The following DAPK1 variants were observed in gnomAD, a reference collection of about 807,000 sequenced individuals.
DAPK1 encodes death associated protein kinase 1.
A neutral mutation model predicts 144.9 loss-of-function variants in DAPK1; 56 were observed. That is an observed-to-expected ratio of 0.39 (90% CI 0.31 to 0.48). The LOEUF (loss-of-function observed/expected upper bound fraction) is 0.48, where lower values mean the gene tolerates loss of function less well. Ranked by LOEUF, DAPK1 falls within the 20% of genes least tolerant of loss-of-function variation. DAPK1 has a pLI of 0.95. For missense variants in DAPK1, 1,454 were observed against 1,875.4 expected, an observed-to-expected ratio of 0.78 and a Z score of 4.15; for synonymous variants, 690 against 749.0, an observed-to-expected ratio of 0.92 and a Z score of 1.29.
At chr9:87,663,110 G>A (rs984567303) in intron 18 of DAPK1, among the ~76,000 whole-genome samples, 6 of 151,772 alleles carry the variant, frequency 4.0e-5, no homozygotes, top group Admixed American at 1.3e-4. Flanking sequence ...CCTCAGCCAG[G>A]GGGACCTGAA....
intron 18 of DAPK1, among the ~76,000 whole-genome samples, chr9:87,666,199 G>A (rs1831046993): frequency 6.6e-6 from 1 of 152,106 alleles, no homozygotes; most frequent in Non-Finnish European, 1.5e-5. Context: ...TCTCTCACCT[G>A]CTCAAGAACC....
intron 2 of DAPK1, among the ~76,000 whole-genome samples, chr9:87,500,127 A>G (rs1434129132): frequency 2.0e-5 from 3 of 152,234 alleles, no homozygotes; most frequent in Non-Finnish European, 4.4e-5. Flanking sequence ...AAATTAAAAA[A>G]CACCCACATC....
chr9:87,532,644 A>G (rs1825735599), intron 2 of DAPK1, among the ~76,000 whole-genome samples: 1 of 152,196 alleles, frequency 6.6e-6, no homozygotes, highest in Non-Finnish European at 1.5e-5. Flanking sequence ...TAGACAATGA[A>G]AGAAATGTGT....
intron 19 of DAPK1, among the ~76,000 whole-genome samples, chr9:87,670,698 C>G (rs1022052255): frequency 3.3e-5 from 5 of 152,178 alleles, no homozygotes; most frequent in Admixed American, 2.0e-4. Context: ...CTACCGCCCT[C>G]TGGAAATCCG....
chr9:87,557,098 G>A (rs10868632), intron 2 of DAPK1, among the ~76,000 whole-genome samples: 52,079 of 152,036 alleles, frequency 0.34, 9,257 homozygotes, highest in Middle Eastern at 0.51. Context: ...GCGGTGTTGC[G>A]GGAAGGGAGG....
intron 2 of DAPK1, among the ~76,000 whole-genome samples, chr9:87,575,513 C>T (rs1447796036): frequency 6.6e-6 from 1 of 152,012 alleles, no homozygotes; most frequent in African/African-American, 2.4e-5. Flanking sequence ...TTCTGAGATC[C>T]CGATTTCGAA....
chr9:87,595,589 C>A (rs1003003279), intron 2 of DAPK1, among the ~76,000 whole-genome samples: 2 of 152,204 alleles, frequency 1.3e-5, no homozygotes, highest in African/African-American at 4.8e-5. Context: ...TTCCTTGTCC[C>A]CACGTGCAAT....
chr9:87,570,846 A>AT (rs1469026448), intron 2 of DAPK1, among the ~76,000 whole-genome samples: 1 of 152,094 alleles, frequency 6.6e-6, no homozygotes, highest in Non-Finnish European at 1.5e-5. Flanking sequence ...AGTCTCAGAG[A>AT]TTTTTTTCTT....
intron 11 of DAPK1, among the ~76,000 whole-genome samples, chr9:87,644,573 G>C (rs530835939): frequency 6.6e-6 from 1 of 152,238 alleles, no homozygotes; most frequent in East Asian, 1.9e-4. Context: ...GCAGATTAGG[G>C]CGAGAAGAGA....
At chr9:87,647,108 C>T (rs1407242085) in intron 13 of DAPK1, among the ~76,000 whole-genome samples, 197 bp from the exon 14 acceptor site, 2 of 152,204 alleles carry the variant, frequency 1.3e-5, no homozygotes, top group Non-Finnish European at 2.9e-5. Flanking sequence ...CCCAGGTGCC[C>T]CTAATGCTAG....
intron 2 of DAPK1, among the ~76,000 whole-genome samples, chr9:87,511,668 TTGTG>T (rs59377718): frequency 0.02 from 2,880 of 140,702 alleles, 59 homozygotes; most frequent in African/African-American, 0.049. Context: ...TCTTTTTCTT[TTGTG>T]TGTGTGTGTG....
At chr9:87,520,432 A>G (rs1825253430) in intron 2 of DAPK1, among the ~76,000 whole-genome samples, 1 of 152,180 alleles carries the variant, frequency 6.6e-6, no homozygotes. Flanking sequence ...TGGAGACAGC[A>G]GTTTTCAGCT....
At chr9:87,673,218 C>G (rs2119297620) in intron 19 of DAPK1, among the ~76,000 whole-genome samples, 1 of 152,244 alleles carries the variant, frequency 6.6e-6, no homozygotes, top group Non-Finnish European at 1.5e-5. Flanking sequence ...AGGGTGCTAC[C>G]ACACTCTGCA....
At chr9:87,580,796 T>C (rs1827727664) in intron 2 of DAPK1, among the ~76,000 whole-genome samples, 1 of 152,198 alleles carries the variant, frequency 6.6e-6, no homozygotes. Flanking sequence ...GTCTCCCACA[T>C]AGGACCGAGC....
chr9:87,697,666 A>G (rs1825307708), intron 22 of DAPK1, among the ~76,000 whole-genome samples: 1 of 152,190 alleles, frequency 6.6e-6, no homozygotes, highest in African/African-American at 2.4e-5. Flanking sequence ...AGAAACAAAG[A>G]AAGAGGCCGG....
chr9:87,601,973 G>A (rs1263903414), intron 2 of DAPK1, among the ~76,000 whole-genome samples: 1 of 152,172 alleles, frequency 6.6e-6, no homozygotes, highest in East Asian at 1.9e-4. Context: ...GGCCTCAGGA[G>A]ATGTGAAGAT....
chr9:87,626,927 G>A (rs540182949), intron 3 of DAPK1, among the ~76,000 whole-genome samples: 6 of 152,298 alleles, frequency 3.9e-5, no homozygotes, highest in Middle Eastern at 3.4e-3. Context: ...ACTCGTGATA[G>A]TGCATGCTTT....
At chr9:87,624,968 C>A (rs1398576719) in intron 3 of DAPK1, among the ~76,000 whole-genome samples, 1 of 152,180 alleles carries the variant, frequency 6.6e-6, no homozygotes, top group Non-Finnish European at 1.5e-5. Flanking sequence ...CTCCATTGTT[C>A]TTGAGTAGTT....
At position 87,708,328 on chromosome 9, in the gene DAPK1, T is replaced by G. The variant is rs1825710607; in HGVS notation, c.*964T>G. ...TTATAATTGGTGCATAGCAGATGGT[T>G]TCCACATTTAGATCCTGGTTTCATA... On this transcript the variant is annotated 3_prime_UTR_variant, in exon 26 of 26. Coordinates refer to ENST00000408954, the MANE Select transcript of DAPK1 (RefSeq NM_004938.4). 1 of 152,664 alleles carries G rather than the reference T, an allele frequency of 6.6e-6. No homozygotes were observed. Among genetic ancestry groups the G allele is most frequent in the African/African-American group, 2.4e-5 (1 of 41,436 alleles). The allele number at this position is 152,664 out of a possible 1,614,324, so 9.5% of individuals were successfully genotyped here. A position where few individuals can be genotyped will look rare whatever the true frequency, so the allele number is the denominator to read the frequency against.
Sources: allele counts gnomAD v4.1 joint callset (sites outside exome capture counted in the v4.1 genomes callset), GRCh38; gene constraint gnomAD v4.1.1; transcripts MANE v1.5; gene names NCBI Gene and HGNC (gene_info 2026-07-23, HGNC 2026-07-21).